GALNT13: variants seen among roughly 807,000 people sequenced by gnomAD.
GALNT13 encodes the protein UDP-GalNAc:polypeptide N-acetylgalactosaminyltransferase 13.
A neutral mutation model predicts 64.2 loss-of-function variants in GALNT13; 28 were observed. That is an observed-to-expected ratio of 0.44 (90% CI 0.32 to 0.60). GALNT13 has a LOEUF of 0.60. Ranked by LOEUF, GALNT13 falls within the 20% of genes least tolerant of loss-of-function variation. The pLI is 0.05. For synonymous variants in GALNT13, 214 were observed against 224.6 expected (o/e 0.95, Z 0.42); for missense variants, 577 against 669.8 (o/e 0.86, Z 1.53).
At chr2:154,387,886 G>A (rs534919213) in intron 9 of GALNT13, among the ~76,000 whole-genome samples, 1 of 152,230 alleles carries the variant, frequency 6.6e-6, no homozygotes, top group African/African-American at 2.4e-5. Flanking sequence ...GTGAACAAGC[G>A]AGTGCAGATA....
the GALNT13 span, among the ~76,000 whole-genome samples, chr2:153,368,104 G>C: frequency 1.3e-5 from 2 of 152,118 alleles, no homozygotes; most frequent in Non-Finnish European, 2.9e-5. Context: ...CATAGGTTAA[G>C]AGTAAAATAA....
At chr2:153,436,154 A>C in the GALNT13 span, among the ~76,000 whole-genome samples, 1 of 152,232 alleles carries the variant, frequency 6.6e-6, no homozygotes, top group South Asian at 2.1e-4. Flanking sequence ...TTGTTGAACC[A>C]GCCTTGCATC....
the GALNT13 span, among the ~76,000 whole-genome samples, chr2:153,623,501 C>G: frequency 2.0e-5 from 3 of 151,948 alleles, no homozygotes; most frequent in Admixed American, 2.0e-4. Context: ...TGCTTTGCTA[C>G]AAAAGAAGAA....
the GALNT13 span, among the ~76,000 whole-genome samples, chr2:153,498,871 C>T: frequency 6.1e-3 from 929 of 151,178 alleles, 8 homozygotes; most frequent in Middle Eastern, 0.024. Flanking sequence ...TTTTTTGAGA[C>T]GGAGTCTCGC....
intron 2 of GALNT13, among the ~76,000 whole-genome samples, chr2:153,901,450 A>G (rs1029799147): frequency 1.3e-5 from 2 of 152,186 alleles, no homozygotes; most frequent in African/African-American, 4.8e-5. Context: ...CTTCCTGTCC[A>G]TGAGCATGGG....
intron 9 of GALNT13, among the ~76,000 whole-genome samples, chr2:154,374,311 AGTT>A (rs1408453259): frequency 6.6e-6 from 1 of 152,150 alleles, no homozygotes; most frequent in Admixed American, 6.6e-5. Flanking sequence ...AAGTTGTGGT[AGTT>A]GTTGTTTTTC....
At chr2:153,090,199 G>C in the GALNT13 span, among the ~76,000 whole-genome samples, 2 of 152,156 alleles carry the variant, frequency 1.3e-5, no homozygotes, top group African/African-American at 4.8e-5. Flanking sequence ...TTGAGAGCTA[G>C]ACTGCAGGGA....
chr2:154,187,410 AC>A (rs1686317029), intron 4 of GALNT13, among the ~76,000 whole-genome samples: 1 of 134,784 alleles, frequency 7.4e-6, no homozygotes, highest in Non-Finnish European at 1.7e-5. Flanking sequence ...ACACACACAC[AC>A]ACAACTTCTA....
the GALNT13 span, among the ~76,000 whole-genome samples, chr2:153,331,473 A>G: frequency 8.5e-5 from 13 of 152,128 alleles, no homozygotes; most frequent in Admixed American, 5.2e-4. Flanking sequence ...CATGATCACA[A>G]GGTTCCACAA....
chr2:154,013,096 A>G (rs1307665595), intron 3 of GALNT13, among the ~76,000 whole-genome samples: 3 of 148,642 alleles, frequency 2.0e-5, no homozygotes, highest in South Asian at 2.2e-4. Context: ...GGGATCTAGT[A>G]TGGGCATTTG....
chr2:153,554,682 GTC>G, the GALNT13 span, among the ~76,000 whole-genome samples: 3,837 of 121,894 alleles, frequency 0.031, 123 homozygotes, highest in African/African-American at 0.11. Flanking sequence ...GTGTGTGTGT[GTC>G]TGTGTACGCG....
At chr2:153,767,804 T>TC in the GALNT13 span, among the ~76,000 whole-genome samples, 579 of 149,636 alleles carry the variant, frequency 3.9e-3, 2 homozygotes, top group Non-Finnish European at 6.2e-3. Context: ...TTTTTTTTTT[T>TC]TCCCCCTGTT....
At chr2:153,284,107 A>G in the GALNT13 span, among the ~76,000 whole-genome samples, 4 of 152,284 alleles carry the variant, frequency 2.6e-5, 1 homozygote, top group South Asian at 4.2e-4. Flanking sequence ...GATTCAGACC[A>G]GTAGTGCTCT....
At chr2:153,480,181 G>T in the GALNT13 span, among the ~76,000 whole-genome samples, 1 of 152,132 alleles carries the variant, frequency 6.6e-6, no homozygotes, top group Admixed American at 6.5e-5. Context: ...CTGAAAAATA[G>T]TAGCTGTCTT....
At chr2:154,119,174 G>C (rs1197766149) in intron 3 of GALNT13, among the ~76,000 whole-genome samples, 3 of 152,070 alleles carry the variant, frequency 2.0e-5, no homozygotes, top group Non-Finnish European at 4.4e-5. Flanking sequence ...ATTTCCCCAT[G>C]ACTCTGAAAA....
At chr2:153,485,879 G>A in the GALNT13 span, among the ~76,000 whole-genome samples, 1 of 152,160 alleles carries the variant, frequency 6.6e-6, no homozygotes, top group Non-Finnish European at 1.5e-5. Flanking sequence ...TAGCCTCGGC[G>A]ACAGAGCAAG....
the GALNT13 span, among the ~76,000 whole-genome samples, chr2:153,216,746 G>T: frequency 6.6e-6 from 1 of 151,692 alleles, no homozygotes; most frequent in South Asian, 2.1e-4. Flanking sequence ...CAAGTCTCTG[G>T]CTTATTTTTA....
At chr2:153,885,085 T>G (rs183349403) in intron 1 of GALNT13, among the ~76,000 whole-genome samples, 2 of 151,496 alleles carry the variant, frequency 1.3e-5, no homozygotes, top group Admixed American at 1.3e-4. Context: ...AAAATAAAAA[T>G]AAATCAACTG....
At chr2:153,968,319 A>C (rs1378255676) in intron 3 of GALNT13, among the ~76,000 whole-genome samples, 4 of 152,200 alleles carry the variant, frequency 2.6e-5, no homozygotes, top group Non-Finnish European at 5.9e-5. Flanking sequence ...TGTGAGCACC[A>C]GCAGAATTTT....
Sources: allele counts gnomAD v4.1 joint callset (sites outside exome capture counted in the v4.1 genomes callset), GRCh38; gene constraint gnomAD v4.1.1; transcripts MANE v1.5; gene names NCBI Gene and HGNC (gene_info 2026-07-23, HGNC 2026-07-21).